The following MSH3 variants were observed in gnomAD, a reference collection of about 807,000 sequenced individuals.
MSH3 encodes the protein mutS homolog 3.
MSH3 carries 106 observed loss-of-function variants against 123.3 expected under a neutral mutation model. That is an observed-to-expected ratio of 0.86 (90% CI 0.73 to 1.01). MSH3 has a LOEUF of 1.01. MSH3 is among the 50% of genes least tolerant of loss of function. The pLI is 0.00. For missense variants in MSH3, 1,459 were observed against 1,347.6 expected, an observed-to-expected ratio of 1.08 and a Z score of -1.29; for synonymous variants, 515 against 481.4, an observed-to-expected ratio of 1.07 and a Z score of -0.91.
chr5:80,739,956 A>G (rs894776593), intron 10 of MSH3, among the ~76,000 whole-genome samples: 10 of 152,162 alleles, frequency 6.6e-5, no homozygotes, highest in Non-Finnish European at 2.9e-5. Context: ...CATTATAGCT[A>G]TGAGAAGGGT....
chr5:80,664,999 TC>T (rs892140513), intron 2 of MSH3, 143 bp from the exon 3 acceptor site: 1 of 655,022 alleles, frequency 1.5e-6, no homozygotes. Context: ...AGTGTTTCTT[TC>T]TTTTTTTAAA....
chr5:80,668,274 A>G (rs774155162), intron 3 of MSH3, among the ~76,000 whole-genome samples: 30 of 152,138 alleles, frequency 2.0e-4, no homozygotes, highest in Non-Finnish European at 3.4e-4. Flanking sequence ...CTCAGAAAAC[A>G]CCGTAAGTTC....
intron 20 of MSH3, among the ~76,000 whole-genome samples, chr5:80,850,471 C>T (rs946951381): frequency 1.3e-4 from 20 of 152,180 alleles, no homozygotes; most frequent in African/African-American, 3.6e-4. Context: ...GGACTTACAG[C>T]TCCACATGGC....
rs151300727 is a variant in MSH3 at position 80,711,828 on chromosome 5, A to G, written c.1341-13625A>G. Among the ~76,000 whole-genome samples the G allele has an allele frequency of 3.8e-3, 578 of 151,404 alleles. 5 individuals carry two copies. Among genetic ancestry groups the G allele is most frequent in the African/African-American group, 0.013 (538 of 41,192 alleles). On this transcript the variant is annotated intron_variant, in intron 8 of 23. Transcript: ENST00000265081. ...CACCACCATACCCAGCTATTTTTGT[A>G]TTTTTAGTAGAGACAGGGTTTCACC...
chr5:80,754,272 C>A (rs1423932287), intron 12 of MSH3, among the ~76,000 whole-genome samples: 1 of 151,822 alleles, frequency 6.6e-6, no homozygotes, highest in Non-Finnish European at 1.5e-5. Context: ...TTTAAAAAAG[C>A]AAATATGAAT....
chr5:80,679,343 G>A (rs1749915862), intron 8 of MSH3, among the ~76,000 whole-genome samples: 1 of 152,096 alleles, frequency 6.6e-6, no homozygotes, highest in Admixed American at 6.6e-5. Context: ...ACCAGCCTGG[G>A]CAACTAAGGT....
chr5:80,676,111 A>G (rs1048882120), intron 7 of MSH3, among the ~76,000 whole-genome samples: 1 of 152,070 alleles, frequency 6.6e-6, no homozygotes, highest in African/African-American at 2.4e-5. Flanking sequence ...GCTCACTGCA[A>G]CCTCTGCCTC....
At chr5:80,766,337 TC>T in intron 13 of MSH3, among the ~76,000 whole-genome samples, 1 of 148,016 alleles carries the variant, frequency 6.8e-6, no homozygotes, top group African/African-American at 2.5e-5. Flanking sequence ...TGTGTTTTTT[TC>T]CTTTTTTTTT....
intron 19 of MSH3, among the ~76,000 whole-genome samples, chr5:80,796,766 T>A (rs576930528): frequency 6.6e-6 from 1 of 152,314 alleles, no homozygotes; most frequent in East Asian, 1.9e-4. Flanking sequence ...GAATACTTTT[T>A]AAAATACTCT....
Position 80,775,751 on chromosome 5 carries a change from G to A in MSH3, c.2311G>A (p.Val771Ile), listed in dbSNP as rs1744286979. ...TTGTATACCAACTGATTGGGTAAAGGTTGGAAGGTAGGTTTAAAATAAATT... is the reference window on the plus strand; with the variant it reads ...TTGTATACCAACTGATTGGGTAAAGATTGGAAGGTAGGTTTAAAATAAATT... ...VSCIPTDWVK[V>I]GSTKAVSRFH... The change falls in exon 16 of 24, where the codon GTT (valine) becomes ATT (isoleucine). Residue 771 changes from valine (V) to isoleucine (I), a missense_variant. Transcript: ENST00000265081. 2 of 1,584,752 alleles carry A rather than the reference G, an allele frequency of 1.3e-6. No homozygotes were observed. Among genetic ancestry groups the A allele is most frequent in the Non-Finnish European group, 1.7e-6 (2 of 1,153,698 alleles).
intron 19 of MSH3, among the ~76,000 whole-genome samples, chr5:80,798,708 T>C (rs1744740518): frequency 6.6e-6 from 1 of 152,254 alleles, no homozygotes; most frequent in Non-Finnish European, 1.5e-5. Context: ...TCCTTTCCTC[T>C]GGTTCTCCTC....
intron 20 of MSH3, among the ~76,000 whole-genome samples, chr5:80,819,575 C>G (rs902819834): frequency 2.6e-5 from 4 of 151,508 alleles, no homozygotes; most frequent in Admixed American, 2.6e-4. Flanking sequence ...CAACCTCCGC[C>G]TCCTGGATTC....
chr5:80,765,434 A>C lies in MSH3; in HGVS notation c.1897-2499A>C, dbSNP rs574940137. On this transcript the variant is annotated intron_variant, in intron 13 of 23. Transcript: ENST00000265081. Reference sequence around the variant, plus strand: ...CTGGAGAAAAGTTGCCTCATGATACACTTAGAATTCAACATTTGCTCAGTT... The same window carrying C: ...CTGGAGAAAAGTTGCCTCATGATACCCTTAGAATTCAACATTTGCTCAGTT... 3.3e-5 allele frequency among the ~76,000 whole-genome samples: 5 copies of C among 152,246 alleles called. No homozygotes were observed. In the East Asian group the frequency reaches 9.6e-4, roughly 29 times the overall value.
Position 80,761,562 on chromosome 5 carries a change from C to A in MSH3, c.1780C>A (p.Leu594Ile). 6.2e-7 allele frequency: 1 copy of A among 1,614,016 alleles called. No homozygotes were observed. The highest frequency in any genetic ancestry group is 8.5e-7 in the Non-Finnish European group (1 of 1,179,960). The change falls in exon 13 of 24, where the codon CTT becomes ATT. Residue 594 changes from leucine to isoleucine, a missense_variant. Coordinates refer to ENST00000265081, the MANE Select transcript of MSH3 (RefSeq NM_002439.5). The part of the protein sequence containing the change: ...LLKLREINAR[L>I]DAVSEVLHSE... Reference sequence around the variant, plus strand: ...TTCTCACAGGGAAATAAATGCCCGGCTTGATGCTGTATCGGAAGTTCTCCA... The same window carrying A: ...TTCTCACAGGGAAATAAATGCCCGGATTGATGCTGTATCGGAAGTTCTCCA...
chr5:80,841,871 T>A (rs1043665655), intron 20 of MSH3, among the ~76,000 whole-genome samples: 20 of 152,238 alleles, frequency 1.3e-4, no homozygotes, highest in African/African-American at 4.8e-4. Flanking sequence ...TTCACTCTGA[T>A]GACAGTTTCT....
At position 80,875,681 on chromosome 5, in the gene MSH3, G is replaced by A. The variant is rs1404494370; in HGVS notation, c.3303-70G>A. 3 of 895,656 alleles carry A rather than the reference G, an allele frequency of 3.3e-6. No homozygotes were observed. The Admixed American group carries it at 5.7e-5, about 17-fold the overall frequency. 55.5% of individuals were successfully genotyped at this position (895,656 alleles called of 1,614,324 possible). On this transcript the variant is annotated intron_variant, in intron 23 of 23. Transcript: ENST00000265081. Reference sequence around the variant, plus strand: ...ATTCAAGTGTTATAGACTTTTCATAGCTTCTGATGAGACGTATTGTCTCCC... The same window carrying A: ...ATTCAAGTGTTATAGACTTTTCATAACTTCTGATGAGACGTATTGTCTCCC...
chr5:80,662,462 ATC>A (rs924425250), intron 2 of MSH3, among the ~76,000 whole-genome samples: 7 of 152,140 alleles, frequency 4.6e-5, no homozygotes, highest in Non-Finnish European at 7.3e-5. Flanking sequence ...TGATTATTTC[ATC>A]TCTGTTTTTA....
chr5:80,783,928 TG>T (rs1052021912), intron 17 of MSH3, among the ~76,000 whole-genome samples: 2 of 152,018 alleles, frequency 1.3e-5, no homozygotes, highest in African/African-American at 4.8e-5. Flanking sequence ...GTCAGAGCCA[TG>T]GCTGACGCAG....
intron 20 of MSH3, 127 bp from the exon 21 acceptor site, chr5:80,853,999 ATTTG>A (rs1466394134): frequency 1.6e-4 from 120 of 733,520 alleles, no homozygotes; most frequent in Non-Finnish European, 2.4e-4. Flanking sequence ...GTTTAATTTA[ATTTG>A]AGCTATTATT....
Sources: allele counts gnomAD v4.1 joint callset (sites outside exome capture counted in the v4.1 genomes callset), GRCh38; gene constraint gnomAD v4.1.1; transcripts MANE v1.5; gene names NCBI Gene and HGNC (gene_info 2026-07-23, HGNC 2026-07-21).